The following SRGAP3 variants were observed in gnomAD, a reference collection of about 807,000 sequenced individuals.
SRGAP3 encodes the protein SLIT-ROBO Rho GTPase-activating protein 3.
Under a neutral mutation model 121.1 loss-of-function variants are expected in SRGAP3, and 39 were observed. The ratio of observed to expected loss-of-function variants is 0.32; its 90% confidence interval spans 0.25 to 0.42. The LOEUF (loss-of-function observed/expected upper bound fraction) is 0.42, where lower values mean the gene tolerates loss of function less well. Among genes scored for constraint, SRGAP3 ranks in the 10% least tolerant of loss-of-function variants. The pLI, the probability that SRGAP3 is intolerant of heterozygous loss-of-function variation, is 1.00. For missense variants in SRGAP3, 1,213 were observed against 1,470.6 expected (o/e 0.82, Z 2.86); for synonymous variants, 601 against 570.0 (o/e 1.05, Z -0.77).
chr3:9,254,991 AAG>A, intron 3 of SRGAP3, among the ~76,000 whole-genome samples: 1 of 144,440 alleles, frequency 6.9e-6, no homozygotes, highest in South Asian at 2.4e-4. Context: ...AAGAAAAAGA[AAG>A]AAAGGGGAAG....
intron 1 of SRGAP3, among the ~76,000 whole-genome samples, chr3:9,142,793 G>C (rs1949899158): frequency 6.7e-6 from 1 of 149,850 alleles, no homozygotes; most frequent in South Asian, 2.1e-4. Flanking sequence ...AGGACTAAGA[G>C]CCTACTGCGT....
intron 3 of SRGAP3, among the ~76,000 whole-genome samples, chr3:9,310,045 A>C (rs1206915084): frequency 1.3e-5 from 2 of 152,212 alleles, no homozygotes; most frequent in Non-Finnish European, 2.9e-5. Flanking sequence ...TGGAATTAAT[A>C]CTCACCATAG....
chr3:9,328,933 G>C (rs544559232), intron 2 of SRGAP3, among the ~76,000 whole-genome samples: 49 of 152,296 alleles, frequency 3.2e-4, no homozygotes, highest in South Asian at 1.7e-3. Flanking sequence ...GAGACCAAGA[G>C]AAAGTACTGC....
At chr3:9,045,456 A>T (rs1312513867) in intron 10 of SRGAP3, among the ~76,000 whole-genome samples, 1 of 152,144 alleles carries the variant, frequency 6.6e-6, no homozygotes, top group African/African-American at 2.4e-5. Context: ...AAGGCTAAAT[A>T]AACTTGGAGG....
At position 9,263,407 on chromosome 3, in the gene SRGAP3, C is replaced by CAA. The variant is rs201451399; in HGVS notation, n.442+62601_442+62602dup. On this transcript the variant is annotated intron_variant and non_coding_transcript_variant, in intron 3 of 3. Coordinates refer to the SRGAP3 transcript ENST00000490889. ...GGAGACAGAGACATGAAAAACCCTT[C>CAA]AAAAAAAAATCAATGAATCCAGGAG... 5.3e-5 allele frequency among the ~76,000 whole-genome samples: 8 copies of CAA among 150,224 alleles called. 1 individual carries two copies. The South Asian group carries it at 6.3e-4, about 12-fold the overall frequency.
intron 5 of SRGAP3, among the ~76,000 whole-genome samples, chr3:9,063,343 G>C (rs916137041): frequency 3.3e-5 from 5 of 151,746 alleles, no homozygotes; most frequent in African/African-American, 4.8e-5. Context: ...TGCCCAACCT[G>C]GTCTCGAACT....
At chr3:9,022,886 T>C (rs1444062633) in intron 14 of SRGAP3, among the ~76,000 whole-genome samples, 1 of 152,228 alleles carries the variant, frequency 6.6e-6, no homozygotes, top group Non-Finnish European at 1.5e-5. Context: ...AGTTCAGACA[T>C]TCTCTGCCCA....
intron 12 of SRGAP3, among the ~76,000 whole-genome samples, chr3:9,032,212 G>A (rs1944521021): frequency 6.6e-6 from 1 of 152,154 alleles, no homozygotes; most frequent in Admixed American, 6.5e-5. Context: ...AAATTCACGT[G>A]TATAAAAACA....
chr3:9,201,846 A>G (rs1212080578), intron 1 of SRGAP3, among the ~76,000 whole-genome samples: 2 of 152,176 alleles, frequency 1.3e-5, no homozygotes, highest in Non-Finnish European at 2.9e-5. Context: ...TTTCATGAAG[A>G]CCTACTATGG....
At chr3:9,051,028 T>A (rs1339391542) in intron 9 of SRGAP3, among the ~76,000 whole-genome samples, 2 of 116,408 alleles carry the variant, frequency 1.7e-5, no homozygotes, top group African/African-American at 6.4e-5. Context: ...TTTTTTTTTT[T>A]TTTTTTTTTT....
At chr3:9,297,621 C>G (rs1425055527) in intron 3 of SRGAP3, among the ~76,000 whole-genome samples, 1 of 152,122 alleles carries the variant, frequency 6.6e-6, no homozygotes, top group South Asian at 2.1e-4. Flanking sequence ...TAGGGCCAGG[C>G]ACGGTGACCC....
At chr3:9,238,495 C>G (rs1220570282) in intron 1 of SRGAP3, among the ~76,000 whole-genome samples, 1 of 152,144 alleles carries the variant, frequency 6.6e-6, no homozygotes, top group Non-Finnish European at 1.5e-5. Flanking sequence ...GTTCCCCGCC[C>G]CACCACACGA....
At chr3:9,301,403 G>A (rs575299542) in intron 3 of SRGAP3, among the ~76,000 whole-genome samples, 1 of 152,340 alleles carries the variant, frequency 6.6e-6, no homozygotes, top group South Asian at 2.1e-4. Flanking sequence ...AGAGGGGAAG[G>A]TGGCCCTTAA....
intron 4 of SRGAP3, among the ~76,000 whole-genome samples, chr3:9,079,302 C>G (rs996018447): frequency 6.6e-6 from 1 of 152,172 alleles, no homozygotes; most frequent in Non-Finnish European, 1.5e-5. Flanking sequence ...CCCCACTCCC[C>G]ATATCTCTCC....
chr3:9,320,146 G>A lies in SRGAP3; in HGVS notation n.442+5864C>T, dbSNP rs574815471. ...GGAGCTATGGAAAAAGAGGAGACAT[G>A]GCCCTCTGGGCTTGTTAACCTGGTA... is the stretch of plus-strand genomic sequence containing the variant. On this transcript the variant is annotated intron_variant and non_coding_transcript_variant, in intron 3 of 3. Transcript: ENST00000490889. Among the ~76,000 whole-genome samples the A allele has an allele frequency of 1.4e-3, 209 of 152,046 alleles. 7 individuals carry two copies. Among genetic ancestry groups the A allele is most frequent in the Non-Finnish European group, 2.1e-3 (140 of 67,998 alleles).
rs570552154 is a variant in SRGAP3 at position 9,117,167 on chromosome 3, C to T, written c.260+7558G>A. On this transcript the variant is annotated intron_variant, in intron 2 of 21. Transcript: ENST00000383836. ...TGGAGACACAAGCCCTACTGGAGGG[C>T]TTTCTCCATCTCCATCTCATTCTAA... Among the ~76,000 whole-genome samples, 42 of 152,346 alleles carry T rather than the reference C, an allele frequency of 2.8e-4. No homozygotes were observed. The South Asian group carries it at 6.0e-3, about 22-fold the overall frequency.
chr3:9,039,399 G>A (rs1268846842), intron 10 of SRGAP3, among the ~76,000 whole-genome samples: 1 of 152,090 alleles, frequency 6.6e-6, no homozygotes, highest in Non-Finnish European at 1.5e-5. Flanking sequence ...GCTTACCAAG[G>A]ACTCCCTACT....
chr3:9,191,610 G>A (rs1160346939), intron 1 of SRGAP3, among the ~76,000 whole-genome samples: 1 of 152,202 alleles, frequency 6.6e-6, no homozygotes, highest in Non-Finnish European at 1.5e-5. Context: ...CAAGGCAGAA[G>A]GAACAGTATG....
At chr3:9,224,901 A>G (rs544879988) in intron 1 of SRGAP3, among the ~76,000 whole-genome samples, 428 of 152,328 alleles carry the variant, frequency 2.8e-3, no homozygotes, top group Non-Finnish European at 4.2e-3. Flanking sequence ...AGAACCAAAA[A>G]GCAGAGAGAC....
Sources: gnomAD v4.1 joint callset for allele counts (sites outside exome capture counted in the v4.1 genomes callset) on GRCh38, gnomAD v4.1.1 for gene constraint, MANE v1.5 for transcripts, NCBI Gene and HGNC (gene_info 2026-07-23, HGNC 2026-07-21) for gene names.